The following USP1 variants were observed in gnomAD, a reference collection of about 807,000 sequenced individuals.
USP1 encodes ubiquitin carboxyl-terminal hydrolase 1.
A neutral mutation model predicts 72.2 loss-of-function variants in USP1; 18 were observed. The observed-to-expected ratio is 0.25, with a 90% CI of 0.17 to 0.37. The LOEUF is 0.37. Among genes scored for constraint, USP1 ranks in the 10% least tolerant of loss-of-function variants. The pLI, the probability that USP1 is intolerant of heterozygous loss-of-function variation, is 1.00. For synonymous variants in USP1, 354 were observed against 303.7 expected (o/e 1.17, Z -1.72); for missense variants, 759 against 884.9 (o/e 0.86, Z 1.81).
intron 4 of USP1, among the ~76,000 whole-genome samples, 186 bp from the exon 5 acceptor site, chr1:62,442,973 G>A (rs1571132913): frequency 6.6e-6 from 1 of 152,250 alleles, no homozygotes; most frequent in Non-Finnish European, 1.5e-5. Context: ...CTGCACTCCA[G>A]CCTGGGCGAC....
rs1346417002 is a variant in USP1 at position 62,446,561 on chromosome 1, CAT to C, written c.1250-778_1250-777del. Among the ~76,000 whole-genome samples, 9 of 152,224 alleles carry C rather than the reference CAT, an allele frequency of 5.9e-5. No individual in the cohort carries two copies. The East Asian group carries it at 9.6e-4, about 16-fold the overall frequency. ...TAAACATAGGTACAGTAAAAATAAT[CAT>C]AGACTACTGTCATATGCGGTCCATT... On this transcript the variant is annotated intron_variant, in intron 6 of 8. Transcript: ENST00000339950.
At chr1:62,442,371 A>ATGAAGAGG in intron 4 of USP1, 72 bp downstream of exon 4, 3 of 1,128,230 alleles carry the variant, frequency 2.7e-6, no homozygotes, top group Non-Finnish European at 3.8e-6. Flanking sequence ...TTGCCTGGAA[A>ATGAAGAGG]TGAAGAGGAC....
At position 62,451,617 on chromosome 1, in the gene USP1, G is replaced by A. The variant is rs1203801269; in HGVS notation, c.*636G>A. On this transcript the variant is annotated 3_prime_UTR_variant, in exon 9 of 9. Coordinates refer to ENST00000339950, the MANE Select transcript of USP1 (RefSeq NM_003368.5). Reference sequence around the variant, plus strand: ...TATCTTTTTGGGCATGGACTAATTTGTATCTGTTTAACTCATATTCTGCAC... The same window carrying A: ...TATCTTTTTGGGCATGGACTAATTTATATCTGTTTAACTCATATTCTGCAC... 6.6e-6 allele frequency: 1 copy of A among 152,630 alleles called. No homozygotes were observed. The highest frequency in any genetic ancestry group is 2.1e-4 in the South Asian group (1 of 4,834). The allele number at this position is 152,630 out of a possible 1,614,324, so 9.5% of individuals were successfully genotyped here.
rs981301159 is a variant in USP1 at position 62,451,060 on chromosome 1, T to C, written c.*79T>C. 1 of 1,367,360 alleles carries C rather than the reference T, an allele frequency of 7.3e-7. No homozygotes were observed. The highest frequency in any genetic ancestry group is 1.5e-5 in the African/African-American group (1 of 68,842). The allele number at this position is 1,367,360 out of a possible 1,614,324, so 84.7% of individuals were successfully genotyped here. ...AAAGTTGATTACATCAAAGAATCTTTAGCTTATCTTTTGAAGCTACTGGAT... is the reference window on the plus strand; with the variant it reads ...AAAGTTGATTACATCAAAGAATCTTCAGCTTATCTTTTGAAGCTACTGGAT... On this transcript the variant is annotated 3_prime_UTR_variant, in exon 9 of 9. Transcript: ENST00000339950.
chr1:62,437,611 C>A (rs1360299904), intron 1 of USP1, among the ~76,000 whole-genome samples: 1 of 151,676 alleles, frequency 6.6e-6, no homozygotes, highest in Non-Finnish European at 1.5e-5. Flanking sequence ...GTAAATAGGC[C>A]AACTCCGCGG....
intron 7 of USP1, among the ~76,000 whole-genome samples, chr1:62,448,125 G>A (rs538438214): frequency 6.6e-6 from 1 of 152,130 alleles, no homozygotes; most frequent in Non-Finnish European, 1.5e-5. Flanking sequence ...AGCCACTGTT[G>A]TGTCTAGAGC....
In USP1 at chr1:62,445,220, A is replaced by C; in HGVS notation, c.1040A>C (p.Lys347Thr). 1.2e-6 allele frequency: 2 copies of C among 1,612,328 alleles called. No homozygotes were observed. The highest frequency in any genetic ancestry group is 8.5e-7 in the Non-Finnish European group (1 of 1,179,592). The change falls in exon 6 of 9, where the codon AAG (lysine) becomes ACG (threonine). Residue 347 changes from lysine (K) to threonine (T), a missense_variant. By Grantham distance (78) the Lys-to-Thr change is moderately conservative. Coordinates refer to ENST00000339950, the MANE Select transcript of USP1 (RefSeq NM_003368.5). ...ATAAATTGGTTAAAGTCTGCAACTA[A>C]GCAACCCAGCATTCTTTCTAAATTT... ...VKINWLKSAT[K>T]QPSILSKFCS...
intron 6 of USP1, 29 bp from the exon 7 acceptor site, chr1:62,447,312 A>T: frequency 6.3e-7 from 1 of 1,599,962 alleles, no homozygotes; most frequent in Non-Finnish European, 8.5e-7. Context: ...TAATCTGTAT[A>T]GACTTACATT....
intron 5 of USP1, among the ~76,000 whole-genome samples, chr1:62,443,854 T>G (rs1276852220): frequency 6.6e-6 from 1 of 152,206 alleles, no homozygotes; most frequent in African/African-American, 2.4e-5. Context: ...AATGAAACTT[T>G]ACATATAAAA....
chr1:62,445,154 A>T lies in USP1; in HGVS notation c.974A>T (p.Asn325Ile), dbSNP rs1359238249. Residue 325 changes from asparagine (N) to isoleucine (I), a missense_variant, in exon 6 of 9, where the codon AAT becomes ATT. Physicochemically the swap from Asn to Ile is moderately radical, Grantham distance 149 (BLOSUM62 -3). Transcript: ENST00000339950. Reference sequence around the variant, plus strand: ...ATAATTCCCAAGTATATTTCTGAAAATGAGAGTCCAAGACCCTCACAAAAG... The same window carrying T: ...ATAATTCCCAAGTATATTTCTGAAATTGAGAGTCCAAGACCCTCACAAAAG... ...PKIIPKYISENESPRPSQKKS... is the reference protein window; with the variant it reads ...PKIIPKYISEIESPRPSQKKS... The T allele has an allele frequency of 6.2e-7, 1 of 1,613,644 alleles. No homozygotes were observed. The highest frequency in any genetic ancestry group is 8.5e-7 in the Non-Finnish European group (1 of 1,179,884).
In USP1 at chr1:62,447,421, G is replaced by A; in HGVS notation, c.1330G>A (p.Glu444Lys). The change falls in exon 7 of 9, where the codon GAA (glutamate) becomes AAA (lysine). Residue 444 changes from glutamate (E) to lysine (K), a missense_variant. By Grantham distance (56) the Glu-to-Lys change is moderately conservative. Around this residue, in one of 9 missense-constraint regions of USP1, gnomAD observed 140 missense variants for 222.8 expected, o/e 0.63. Coordinates refer to ENST00000339950, the MANE Select transcript of USP1 (RefSeq NM_003368.5). ...LVLRTRCLEC[E>K]SLTERREDFQ... ...ATTAAGGACGCGTTGCTTGGAATGTGAAAGTTTAACAGAAAGAAGAGAAGA... is the reference window on the plus strand; with the variant it reads ...ATTAAGGACGCGTTGCTTGGAATGTAAAAGTTTAACAGAAAGAAGAGAAGA... 1 of 1,614,144 alleles carries A rather than the reference G, an allele frequency of 6.2e-7. No individual in the cohort carries two copies.
chr1:62,436,991 C>T, upstream of USP1: 2 of 397,334 alleles, frequency 5.0e-6, no homozygotes, highest in Admixed American at 4.4e-5. Context: ...AAGGACGCCA[C>T]GTTCAATCGC....
At position 62,448,449 on chromosome 1, in the gene USP1, G is replaced by A; in HGVS notation, c.1421-16G>A. On this transcript the variant is annotated splice_polypyrimidine_tract_variant and intron_variant, in intron 7 of 8. Coordinates refer to ENST00000339950, the MANE Select transcript of USP1 (RefSeq NM_003368.5). ...GCCTGAGAGAAGTATTTGAGTGAAA[G>A]GATTCTCTTTTTTAGTTTCTCCAGA... The A allele has an allele frequency of 1.1e-5, 17 of 1,610,350 alleles. No individual in the cohort carries two copies. The highest frequency in any genetic ancestry group is 1.4e-5 in the Non-Finnish European group (16 of 1,177,916).
At chr1:62,444,046 G>T (rs1472533047) in intron 5 of USP1, among the ~76,000 whole-genome samples, 1 of 152,004 alleles carries the variant, frequency 6.6e-6, no homozygotes, top group Non-Finnish European at 1.5e-5. Context: ...GTCATTTGAG[G>T]TCAGGAGTTC....
intron 6 of USP1, 75 bp downstream of exon 6, chr1:62,445,504 C>T (rs1290524813): frequency 1.0e-5 from 13 of 1,302,314 alleles, no homozygotes; most frequent in Non-Finnish European, 4.1e-6. Flanking sequence ...TTCCTAGATA[C>T]ATGTACAATA....
At chr1:62,440,363 T>TTTTA (rs1489074990) in intron 2 of USP1, among the ~76,000 whole-genome samples, 19 of 148,670 alleles carry the variant, frequency 1.3e-4, no homozygotes, top group Non-Finnish European at 3.0e-5. Flanking sequence ...GTAAAAGGTT[T>TTTTA]TATATATATA....
Position 62,448,598 on chromosome 1 carries a change from T to C in USP1, c.1554T>C (p.Ser518=). Residue 518 remains serine (S), a synonymous_variant, in exon 8 of 9, where the codon AGT becomes AGC. Transcript: ENST00000339950. The part of the protein sequence containing the change: ...NCHHYTEAER[S]LLFDKMPEVI... ...ATCATTATACTGAAGCTGAACGAAG[T>C]CTTTTGTTTGACAAAATGCCTGAAG... 6.2e-7 allele frequency: 1 copy of C among 1,613,858 alleles called. No homozygotes were observed. Among genetic ancestry groups the C allele is most frequent in the Non-Finnish European group, 8.5e-7 (1 of 1,179,928 alleles).
chr1:62,440,436 T>C (rs1645124990), intron 2 of USP1, among the ~76,000 whole-genome samples: 1 of 152,162 alleles, frequency 6.6e-6, no homozygotes, highest in Non-Finnish European at 1.5e-5. Context: ...ACTCTAGTCA[T>C]GTAACTAGTC....
chr1:62,445,419 C>T lies in USP1; in HGVS notation c.1239C>T (p.Pro413=). Residue 413 remains proline (P), a synonymous_variant, in exon 6 of 9, where the codon CCC becomes CCT. Transcript: ENST00000339950. ...CTGTAAATGTTAATGAAGTTAAACCCATAAACAAAGGTTAGTATAATTCTT... is the reference window on the plus strand; with the variant it reads ...CTGTAAATGTTAATGAAGTTAAACCTATAAACAAAGGTTAGTATAATTCTT... ...VTPVNVNEVK[P]INKGEEQIGF... 6.4e-7 allele frequency: 1 copy of T among 1,556,254 alleles called. No homozygotes were observed. The highest frequency in any genetic ancestry group is 1.2e-5 in the South Asian group (1 of 80,236).
Sources: allele counts gnomAD v4.1 joint callset (sites outside exome capture counted in the v4.1 genomes callset), GRCh38; gene constraint gnomAD v4.1.1; regional missense constraint gnomAD v4.1.1; transcripts MANE v1.5; gene names NCBI Gene and HGNC (gene_info 2026-07-23, HGNC 2026-07-21).